PPP1R16B: variants seen among roughly 807,000 people sequenced by gnomAD.
The protein encoded by PPP1R16B is protein phosphatase 1 regulatory inhibitor subunit 16B.
A neutral mutation model predicts 61.7 loss-of-function variants in PPP1R16B; 14 were observed. The ratio of observed to expected loss-of-function variants is 0.23; its 90% CI spans 0.15 to 0.35. The LOEUF (loss-of-function observed/expected upper bound fraction) is 0.35. Ranked by LOEUF, PPP1R16B falls within the 10% of genes least tolerant of loss-of-function variation. PPP1R16B has a pLI of 1.00. For synonymous variants in PPP1R16B, 266 were observed against 305.3 expected (o/e 0.87, Z 1.34); for missense variants, 547 against 752.5 (o/e 0.73, Z 3.19).
chr20:38,899,079 T>C (rs1007448874), intron 4 of PPP1R16B, among the ~76,000 whole-genome samples: 2 of 152,158 alleles, frequency 1.3e-5, no homozygotes, highest in African/African-American at 4.8e-5. Context: ...GGTAACCTTT[T>C]GCACTGGTCT....
chr20:38,836,226 A>C (rs1002575076), intron 2 of PPP1R16B, 51 bp downstream of exon 2: 1 of 1,567,330 alleles, frequency 6.4e-7, no homozygotes, highest in East Asian at 2.3e-5. Flanking sequence ...GCCTCTGATC[A>C]GGGTTTGGAA....
Position 38,889,752 on chromosome 20 carries a change from C to T in PPP1R16B, c.321+87C>T, listed in dbSNP as rs763884770. 4.4e-6 allele frequency: 6 copies of T among 1,356,688 alleles called. No homozygotes were observed. In the African/African-American group the frequency reaches 8.6e-5, roughly 19 times the overall value. 84.0% of individuals were successfully genotyped at this position (1,356,688 alleles called of 1,614,324 possible). On this transcript the variant is annotated intron_variant, in intron 3 of 10. Transcript: ENST00000299824. ...TTCTCGGCACTTTCCTGCTCAGAACCCTCAGGGAGGAGGGAATGAGGGAGG... is the reference window on the plus strand; with the variant it reads ...TTCTCGGCACTTTCCTGCTCAGAACTCTCAGGGAGGAGGGAATGAGGGAGG...
intron 3 of PPP1R16B, among the ~76,000 whole-genome samples, chr20:38,890,708 A>G (rs73114262): frequency 0.068 from 10,283 of 152,288 alleles, 479 homozygotes; most frequent in Middle Eastern, 0.19. Flanking sequence ...ATGCTGGCAT[A>G]CAGTAGGTGC....
intron 1 of PPP1R16B, among the ~76,000 whole-genome samples, chr20:38,824,041 A>G (rs2084788894): frequency 1.3e-5 from 2 of 152,196 alleles, no homozygotes; most frequent in Non-Finnish European, 1.5e-5. Flanking sequence ...CACAACTGGA[A>G]CATCAGCCCT....
chr20:38,855,600 C>T (rs1267681117), intron 2 of PPP1R16B, among the ~76,000 whole-genome samples: 1 of 151,974 alleles, frequency 6.6e-6, no homozygotes, highest in Non-Finnish European at 1.5e-5. Context: ...CATAATGAAG[C>T]TCTCCCAGCT....
At chr20:38,896,518 CT>C (rs1486873805) in intron 4 of PPP1R16B, among the ~76,000 whole-genome samples, 1 of 151,850 alleles carries the variant, frequency 6.6e-6, no homozygotes, top group Non-Finnish European at 1.5e-5. Context: ...CTCTCCTTCA[CT>C]CTTGGTCTGT....
At chr20:38,915,343 C>T (rs2085525723) in intron 10 of PPP1R16B, among the ~76,000 whole-genome samples, 1 of 152,150 alleles carries the variant, frequency 6.6e-6, no homozygotes, top group Non-Finnish European at 1.5e-5. Flanking sequence ...CAGGGCTGTC[C>T]CACTAAACAG....
At chr20:38,900,463 TGGGGTTTTGA>T (rs1265402051) in intron 4 of PPP1R16B, 108 bp from the exon 5 acceptor site, 1 of 691,678 alleles carries the variant, frequency 1.4e-6, no homozygotes, top group Non-Finnish European at 2.4e-6. Context: ...TACACCTTGG[TGGGGTTTTGA>T]GTGCCGGGTT....
At chr20:38,871,896 G>T (rs1343639014) in intron 2 of PPP1R16B, among the ~76,000 whole-genome samples, 1 of 152,310 alleles carries the variant, frequency 6.6e-6, no homozygotes, top group South Asian at 2.1e-4. Flanking sequence ...TTCCAGTAAA[G>T]CAGGCAAGGA....
Position 38,902,517 on chromosome 20 carries a change from C to A in PPP1R16B, c.572-151C>A, listed in dbSNP as rs143285456. On this transcript the variant is annotated intron_variant, in intron 5 of 10. Transcript: ENST00000299824. ...GGCCAATGCATGGTGTCTCATCAGG[C>A]CTGAAGACAATGATCTATGGGCATG... 275 of 1,116,180 alleles carry A rather than the reference C, an allele frequency of 2.5e-4. 1 individual carries two copies. The East Asian group carries it at 6.1e-3, about 25-fold the overall frequency. 69.1% of individuals were successfully genotyped at this position (1,116,180 alleles called of 1,614,324 possible). A position where few individuals can be genotyped will look rare whatever the true frequency, so the allele number is the denominator to read the frequency against.
intron 2 of PPP1R16B, among the ~76,000 whole-genome samples, chr20:38,862,535 C>T (rs208819): frequency 0.015 from 2,355 of 152,178 alleles, 30 homozygotes; most frequent in Middle Eastern, 0.044. Flanking sequence ...TAGCTAGTAG[C>T]CAGAGGTAAA....
intron 10 of PPP1R16B, among the ~76,000 whole-genome samples, chr20:38,915,911 C>T (rs975827107): frequency 9.9e-5 from 15 of 151,738 alleles, no homozygotes; most frequent in African/African-American, 3.4e-4. Context: ...AAATTGCAGG[C>T]CCCAACCCAG....
rs369597295 is a variant in PPP1R16B at position 38,814,799 on chromosome 20, TAGTC to T, written c.-102+9010_-102+9013del. Among the ~76,000 whole-genome samples, 70 of 152,320 alleles carry T rather than the reference TAGTC, an allele frequency of 4.6e-4. 2 individuals carry two copies. In the East Asian group the frequency reaches 0.012, roughly 25 times the overall value. ...CTCAGAATGTCTTAGTTCAGACTCT[TAGTC>T]AGAACTGCCTTTGTTTCCTCACATC... On this transcript the variant is annotated intron_variant, in intron 1 of 10. Coordinates refer to ENST00000299824, the MANE Select transcript of PPP1R16B (RefSeq NM_015568.4).
At chr20:38,829,367 AC>A (rs1214753682) in intron 1 of PPP1R16B, among the ~76,000 whole-genome samples, 1 of 152,104 alleles carries the variant, frequency 6.6e-6, no homozygotes, top group East Asian at 1.9e-4. Context: ...ACCTCACCCG[AC>A]CTGGCCTCCA....
At chr20:38,899,326 TG>T (rs1344180364) in intron 4 of PPP1R16B, among the ~76,000 whole-genome samples, 1 of 152,182 alleles carries the variant, frequency 6.6e-6, no homozygotes, top group Non-Finnish European at 1.5e-5. Context: ...TGATCAGTGA[TG>T]GTGCTAAGAG....
chr20:38,916,378 C>T (rs140317480), intron 10 of PPP1R16B, among the ~76,000 whole-genome samples: 101 of 145,628 alleles, frequency 6.9e-4, no homozygotes, highest in African/African-American at 2.3e-3. Context: ...TATATATGTA[C>T]GTTTTATATA....
chr20:38,827,890 G>A (rs906749134), intron 1 of PPP1R16B, among the ~76,000 whole-genome samples: 2 of 152,164 alleles, frequency 1.3e-5, no homozygotes, highest in African/African-American at 2.4e-5. Context: ...GAGATCCCAG[G>A]AGTAGGAAAG....
chr20:38,908,828 C>T (rs915738465), intron 10 of PPP1R16B, among the ~76,000 whole-genome samples: 3 of 152,174 alleles, frequency 2.0e-5, no homozygotes, highest in African/African-American at 7.2e-5. Context: ...ATCCAGGTAA[C>T]ACCAGCATTG....
At chr20:38,864,236 G>A (rs1367016095) in intron 2 of PPP1R16B, among the ~76,000 whole-genome samples, 1 of 152,130 alleles carries the variant, frequency 6.6e-6, no homozygotes, top group Admixed American at 6.5e-5. Context: ...GTTTCTTTTT[G>A]GGGTGTTCAG....
Sources: gnomAD v4.1 joint callset for allele counts (sites outside exome capture counted in the v4.1 genomes callset) on GRCh38, gnomAD v4.1.1 for gene constraint, MANE v1.5 for transcripts, NCBI Gene and HGNC (gene_info 2026-07-23, HGNC 2026-07-21) for gene names.